UCK2: variants seen among roughly 807,000 people sequenced by gnomAD.
The protein encoded by UCK2 is cytidine monophosphokinase 2.
UCK2 carries 6 observed loss-of-function variants against 30.8 expected under a neutral mutation model. The ratio of observed to expected loss-of-function variants is 0.19; its 90% CI spans 0.11 to 0.38. The LOEUF (loss-of-function observed/expected upper bound fraction) is 0.38, where lower values mean the gene tolerates loss of function less well. Among genes scored for constraint, UCK2 ranks in the 10% least tolerant of loss-of-function variants. The probability of loss-of-function intolerance (pLI) is 1.00; values close to 1 mark genes in which losing one functional copy is unlikely to be tolerated. For missense variants in UCK2, 210 were observed against 339.8 expected, an observed-to-expected ratio of 0.62 and a Z score of 3.00; for synonymous variants, 125 against 133.6, an observed-to-expected ratio of 0.94 and a Z score of 0.45.
intron 1 of UCK2, 70 bp from the exon 2 acceptor site, chr1:165,890,134 C>T: frequency 6.4e-7 from 1 of 1,567,420 alleles, no homozygotes; most frequent in Non-Finnish European, 8.7e-7. Flanking sequence ...AGCTTGGTTA[C>T]TCTCGGGACT....
At chr1:165,870,607 C>T (rs1655172521) in intron 1 of UCK2, among the ~76,000 whole-genome samples, 1 of 152,184 alleles carries the variant, frequency 6.6e-6, no homozygotes, top group African/African-American at 2.4e-5. Flanking sequence ...CCTCTTGCTC[C>T]ATTATGGGTA....
At chr1:165,833,854 A>G (rs761472882) in intron 1 of UCK2, among the ~76,000 whole-genome samples, 14 of 152,136 alleles carry the variant, frequency 9.2e-5, no homozygotes, top group Non-Finnish European at 1.8e-4. Context: ...TTTCGTGTCC[A>G]TTAAACCATT....
At chr1:165,849,337 A>G (rs971087641) in intron 1 of UCK2, among the ~76,000 whole-genome samples, 1 of 152,174 alleles carries the variant, frequency 6.6e-6, no homozygotes, top group Admixed American at 6.5e-5. Context: ...CCTGACCGAG[A>G]GGCAAAACAT....
At chr1:165,875,861 TC>T (rs149075738) in intron 1 of UCK2, among the ~76,000 whole-genome samples, 1 of 152,284 alleles carries the variant, frequency 6.6e-6, no homozygotes, top group East Asian at 1.9e-4. Context: ...TACCCAGCTT[TC>T]TTGGGTTTTT....
intron 1 of UCK2, among the ~76,000 whole-genome samples, chr1:165,831,713 A>G (rs1557830187): frequency 1.3e-5 from 2 of 152,220 alleles, no homozygotes; most frequent in Non-Finnish European, 2.9e-5. Flanking sequence ...ACACTTCAGT[A>G]CAGTACAAAT....
At chr1:165,863,050 G>A (rs763192555) in intron 1 of UCK2, among the ~76,000 whole-genome samples, 4 of 152,142 alleles carry the variant, frequency 2.6e-5, no homozygotes, top group African/African-American at 4.8e-5. Context: ...TATTATGTGC[G>A]AGCCAATGGG....
chr1:165,831,523 C>T (rs964764704), intron 1 of UCK2, among the ~76,000 whole-genome samples: 4 of 152,214 alleles, frequency 2.6e-5, no homozygotes, highest in Admixed American at 1.3e-4. Context: ...GTTTCCTTTT[C>T]ATCTTTGCCT....
chr1:165,907,724 G>A lies in UCK2; in HGVS notation c.687G>A (p.Leu229=), dbSNP rs1021830530. 1.9e-6 allele frequency: 3 copies of A among 1,614,178 alleles called. No homozygotes were observed. The highest frequency in any genetic ancestry group is 2.2e-5 in the East Asian group (1 of 44,866). ...TCGTGCAGCACATCCAGGACATCCT[G>A]AATGGAGGGCCCTCCAAACGGCAGA... ...NLIVQHIQDI[L]NGGPSKRQTN... The change falls in exon 7 of 7, where the codon CTG becomes CTA. Residue 229 remains leucine (L), a synonymous_variant. Transcript: ENST00000367879.
At chr1:165,850,602 C>T (rs79429081) in intron 1 of UCK2, among the ~76,000 whole-genome samples, 2,492 of 141,904 alleles carry the variant, frequency 0.018, 78 homozygotes, top group African/African-American at 0.061. Context: ...CCACAACATG[C>T]GACTAATTTT....
intron 1 of UCK2, among the ~76,000 whole-genome samples, chr1:165,877,449 C>T (rs757626658): frequency 2.4e-4 from 37 of 152,250 alleles, no homozygotes; most frequent in Non-Finnish European, 4.9e-4. Context: ...CCCGCCCCTC[C>T]ACTGCTCCCT....
Position 165,873,155 on chromosome 1 carries a change from G to T in UCK2, c.100-17049G>T, listed in dbSNP as rs118052530. Among the ~76,000 whole-genome samples, 21 of 152,280 alleles carry T rather than the reference G, an allele frequency of 1.4e-4. No individual in the cohort carries two copies. The East Asian group carries it at 4.0e-3, about 29-fold the overall frequency. On this transcript the variant is annotated intron_variant, in intron 1 of 6. Coordinates refer to ENST00000367879, the MANE Select transcript of UCK2 (RefSeq NM_012474.5). ...AAAAAACCCCCAGAATTTCATGTCT[G>T]GTTTTAGGTTGCCACAATTTAATAA...
At position 165,896,247 on chromosome 1, in the gene UCK2, G is replaced by C. The variant is rs1259571141; in HGVS notation, c.414G>C (p.Leu138=). ...ACGTGGTGCTCTTTGAAGGGATCCT[G>C]GCCTTCTACTCCCAGGAGGTACGAG... ...PADVVLFEGI[L]AFYSQEVRDL... is the part of the protein sequence containing the mutation. Residue 138 remains leucine (L), a synonymous_variant, in exon 4 of 7, where the codon CTG becomes CTC. Coordinates refer to ENST00000367879, the MANE Select transcript of UCK2 (RefSeq NM_012474.5). The C allele has an allele frequency of 6.2e-7, 1 of 1,614,208 alleles. No individual in the cohort carries two copies. Among genetic ancestry groups the C allele is most frequent in the Admixed American group, 1.7e-5 (1 of 60,028 alleles).
intron 2 of UCK2, chr1:165,890,931 C>T: frequency 2.7e-6 from 1 of 363,854 alleles, no homozygotes; most frequent in Non-Finnish European, 5.2e-6. Context: ...ATGTGCCAAT[C>T]CTAGGATGAT....
At chr1:165,842,212 A>G (rs922416021) in intron 1 of UCK2, among the ~76,000 whole-genome samples, 3 of 152,058 alleles carry the variant, frequency 2.0e-5, no homozygotes, top group African/African-American at 7.2e-5. Flanking sequence ...TTTTCTGCCT[A>G]TGGCTGTGTC....
intron 4 of UCK2, chr1:165,902,591 G>GA (rs1282603666): frequency 2.8e-4 from 11 of 38,896 alleles, no homozygotes; most frequent in African/African-American, 6.4e-4. Flanking sequence ...TTCACTGAGT[G>GA]ATTTTTTTTT....
chr1:165,836,443 A>G (rs1354732800), intron 1 of UCK2, among the ~76,000 whole-genome samples: 1 of 152,204 alleles, frequency 6.6e-6, no homozygotes, highest in Non-Finnish European at 1.5e-5. Flanking sequence ...TGGACAGAAT[A>G]TTGTTATATG....
intron 1 of UCK2, among the ~76,000 whole-genome samples, chr1:165,873,922 C>T (rs905003876): frequency 3.9e-5 from 6 of 152,154 alleles, no homozygotes; most frequent in African/African-American, 1.2e-4. Context: ...TTATCTCCTA[C>T]CTTATTGTCT....
In UCK2 at chr1:165,859,522, G is replaced by C. The variant is rs142352017; in HGVS notation, c.100-30682G>C. ...GCATTTCAGACCTAAATAGCACCCT[G>C]TCAGAAAGATCAGTGGGGCCGGGAG... On this transcript the variant is annotated intron_variant, in intron 1 of 6. Coordinates refer to ENST00000367879, the MANE Select transcript of UCK2 (RefSeq NM_012474.5). Among the ~76,000 whole-genome samples, 58 of 152,282 alleles carry C rather than the reference G, an allele frequency of 3.8e-4. 1 individual carries two copies. The highest frequency in any genetic ancestry group is 6.3e-4 in the Non-Finnish European group (43 of 68,024).
chr1:165,877,642 G>A (rs73029487), intron 1 of UCK2, among the ~76,000 whole-genome samples: 5 of 152,280 alleles, frequency 3.3e-5, no homozygotes, highest in African/African-American at 9.6e-5. Flanking sequence ...TGGATATACC[G>A]TAGTTTAACC....
Sources: gnomAD v4.1 joint callset for allele counts (sites outside exome capture counted in the v4.1 genomes callset) on GRCh38, gnomAD v4.1.1 for gene constraint, MANE v1.5 for transcripts, NCBI Gene and HGNC (gene_info 2026-07-23, HGNC 2026-07-21) for gene names.